PARD3B: variants seen among roughly 807,000 people sequenced by gnomAD.
The protein encoded by PARD3B is partitioning defective 3 homolog B.
PARD3B carries 103 observed loss-of-function variants against 130.2 expected under a neutral mutation model. The ratio of observed to expected loss-of-function variants is 0.79; its 90% CI spans 0.67 to 0.93. The LOEUF (loss-of-function observed/expected upper bound fraction) is 0.93. Ranked by LOEUF, PARD3B falls within the 40% of genes least tolerant of loss-of-function variation. The pLI, the probability that PARD3B is intolerant of heterozygous loss-of-function variation, is 0.00. For synonymous variants in PARD3B, 583 were observed against 553.2 expected (o/e 1.05, Z -0.76); for missense variants, 1,609 against 1,499.2 (o/e 1.07, Z -1.21).
chr2:205,085,930 C>A (rs2125525363), intron 4 of PARD3B, among the ~76,000 whole-genome samples: 1 of 152,210 alleles, frequency 6.6e-6, no homozygotes, highest in African/African-American at 2.4e-5. Flanking sequence ...GCTGTATCTT[C>A]CAAAGTAAGC....
chr2:205,597,027 G>A (rs2054596203), intron 22 of PARD3B, among the ~76,000 whole-genome samples: 1 of 151,756 alleles, frequency 6.6e-6, no homozygotes, highest in Admixed American at 6.6e-5. Flanking sequence ...AACTACTAAT[G>A]TGCTCATTTC....
chr2:204,979,122 C>T (rs548242377), intron 3 of PARD3B, among the ~76,000 whole-genome samples: 21 of 151,478 alleles, frequency 1.4e-4, no homozygotes, highest in Non-Finnish European at 2.4e-4. Flanking sequence ...AGGAGAATGG[C>T]GTGAACCTGG....
intron 10 of PARD3B, among the ~76,000 whole-genome samples, chr2:205,139,496 C>T (rs2032768887): frequency 6.6e-6 from 1 of 152,138 alleles, no homozygotes; most frequent in Admixed American, 6.5e-5. Context: ...GCAATCACCT[C>T]AATTCCTCTT....
intron 3 of PARD3B, among the ~76,000 whole-genome samples, chr2:204,983,355 G>A (rs573457901): frequency 6.0e-5 from 9 of 149,510 alleles, no homozygotes; most frequent in East Asian, 2.0e-4. Context: ...TTCCAACCGA[G>A]GCTTTAATAA....
chr2:204,642,231 C>T (rs931324321), intron 1 of PARD3B, among the ~76,000 whole-genome samples: 3 of 152,184 alleles, frequency 2.0e-5, no homozygotes, highest in Admixed American at 2.0e-4. Context: ...ACAGAGTCCA[C>T]TTAGGCTCAG....
chr2:204,868,152 T>C (rs1055656765), intron 2 of PARD3B, among the ~76,000 whole-genome samples: 3 of 152,182 alleles, frequency 2.0e-5, no homozygotes, highest in Non-Finnish European at 4.4e-5. Context: ...CTCTACAAAG[T>C]AAGTCATGGC....
intron 1 of PARD3B, among the ~76,000 whole-genome samples, chr2:204,652,126 G>A (rs1248775685): frequency 1.3e-5 from 2 of 152,094 alleles, no homozygotes; most frequent in Non-Finnish European, 2.9e-5. Context: ...TTAACATTAG[G>A]CTCTTCTTTA....
chr2:204,854,498 C>T (rs1457987630), intron 2 of PARD3B, among the ~76,000 whole-genome samples: 2 of 152,056 alleles, frequency 1.3e-5, no homozygotes, highest in Non-Finnish European at 2.9e-5. Context: ...AAGTATGAAT[C>T]TTTTCAAAGA....
At chr2:204,750,732 A>G (rs1245585531) in intron 2 of PARD3B, among the ~76,000 whole-genome samples, 1 of 152,036 alleles carries the variant, frequency 6.6e-6, no homozygotes, top group Non-Finnish European at 1.5e-5. Context: ...GTTTTTCTAA[A>G]GGCAGATAAA....
rs950008307 is a variant in PARD3B at position 205,276,335 on chromosome 2, C to G, written c.2186-24195C>G. On this transcript the variant is annotated intron_variant, in intron 16 of 22. Transcript: ENST00000406610. The surrounding 1 kb of genome is among the most constrained non-coding windows in gnomAD (Gnocchi z 5.0). Reference sequence around the variant, plus strand: ...GAGAAAATATGTCTTCTGAAAAGATCACGAAATCTCAAAGACCTCCAGTTC... The same window carrying G: ...GAGAAAATATGTCTTCTGAAAAGATGACGAAATCTCAAAGACCTCCAGTTC... Among the ~76,000 whole-genome samples the G allele has an allele frequency of 2.6e-5, 4 of 152,126 alleles. No individual in the cohort carries two copies. Among genetic ancestry groups the G allele is most frequent in the African/African-American group, 7.2e-5 (3 of 41,426 alleles).
intron 19 of PARD3B, among the ~76,000 whole-genome samples, chr2:205,437,940 G>C (rs1559093294): frequency 6.6e-6 from 1 of 152,032 alleles, no homozygotes; most frequent in Non-Finnish European, 1.5e-5. Context: ...CAATGAATTG[G>C]GGGTGGGGGT....
chr2:205,037,041 C>A (rs1265466739), intron 3 of PARD3B, among the ~76,000 whole-genome samples: 1 of 145,168 alleles, frequency 6.9e-6, no homozygotes, highest in East Asian at 2.1e-4. Flanking sequence ...GGACTGTATA[C>A]ATAAAACAAA....
chr2:205,285,944 A>G (rs901709956), intron 16 of PARD3B, among the ~76,000 whole-genome samples: 3 of 152,208 alleles, frequency 2.0e-5, no homozygotes, highest in South Asian at 2.1e-4. Flanking sequence ...TAGTAGCAAC[A>G]TATTACGTGT....
At chr2:204,971,153 T>C (rs1324448685) in intron 3 of PARD3B, among the ~76,000 whole-genome samples, 1 of 152,202 alleles carries the variant, frequency 6.6e-6, no homozygotes, top group Non-Finnish European at 1.5e-5. Flanking sequence ...TGGGAACATT[T>C]TTCTCAATTT....
intron 20 of PARD3B, among the ~76,000 whole-genome samples, chr2:205,456,651 AT>A (rs980983974): frequency 4.2e-4 from 64 of 150,688 alleles, no homozygotes; most frequent in African/African-American, 1.3e-3. Context: ...TGATCTTGTG[AT>A]TTTTTTTTGT....
intron 4 of PARD3B, among the ~76,000 whole-genome samples, chr2:205,095,911 A>G (rs1454283771): frequency 6.6e-6 from 1 of 152,164 alleles, no homozygotes; most frequent in African/African-American, 2.4e-5. Context: ...AGCAATGAGA[A>G]GAAAAGAAAA....
chr2:205,518,838 A>G (rs1559170589), intron 21 of PARD3B, among the ~76,000 whole-genome samples: 1 of 152,138 alleles, frequency 6.6e-6, no homozygotes, highest in Non-Finnish European at 1.5e-5. Flanking sequence ...TTGCTTAGGA[A>G]CCTTAGTTTA....
chr2:204,819,502 T>C (rs961935374), intron 2 of PARD3B, among the ~76,000 whole-genome samples: 5 of 152,134 alleles, frequency 3.3e-5, no homozygotes, highest in African/African-American at 1.2e-4. Flanking sequence ...TGAGACACAA[T>C]GATAATATAC....
At chr2:205,483,662 A>G (rs933923778) in intron 20 of PARD3B, among the ~76,000 whole-genome samples, 3 of 152,170 alleles carry the variant, frequency 2.0e-5, no homozygotes, top group African/African-American at 7.2e-5. Flanking sequence ...GCATCTTTGA[A>G]GAAGAGGAAA....
Sources: gnomAD v4.1 joint callset for allele counts (sites outside exome capture counted in the v4.1 genomes callset) on GRCh38, gnomAD v4.1.1 for gene constraint, Gnocchi (gnomAD v3.1) non-coding constraint, MANE v1.5 for transcripts, NCBI Gene and HGNC (gene_info 2026-07-23, HGNC 2026-07-21) for gene names.